MCM3: variants seen among roughly 807,000 people sequenced by gnomAD.
The protein encoded by MCM3 is DNA replication licensing factor MCM3.
In MCM3, 59 loss-of-function variants were observed where a neutral mutation model predicts 91.3. The ratio of observed to expected loss-of-function variants is 0.65; its 90% CI spans 0.52 to 0.80. The LOEUF is 0.80. MCM3 is among the 30% of genes least tolerant of loss of function. The probability of loss-of-function intolerance (pLI) is 0.00; values close to 1 mark genes in which losing one functional copy is unlikely to be tolerated. For missense variants in MCM3, 919 were observed against 1,035.4 expected (o/e 0.89, Z 1.54); for synonymous variants, 383 against 379.6 (o/e 1.01, Z -0.10).
intron 14 of MCM3, among the ~76,000 whole-genome samples, chr6:52,267,522 TTAC>T (rs1227305233): frequency 3.3e-5 from 5 of 150,498 alleles, no homozygotes; most frequent in South Asian, 2.1e-4. Flanking sequence ...CCACTGGAAC[TTAC>T]TACTTTTTTT....
intron 12 of MCM3, 61 bp downstream of exon 12, chr6:52,272,240 G>C (rs376628180): frequency 2.0e-6 from 3 of 1,523,528 alleles, no homozygotes; most frequent in African/African-American, 2.8e-5. Context: ...CCAGATAGCA[G>C]GGACTCCTGC....
chr6:52,283,454 A>G, intron 1 of MCM3, 48 bp from the exon 2 acceptor site: 4 of 1,322,808 alleles, frequency 3.0e-6, no homozygotes, highest in South Asian at 2.4e-5. Context: ...TTTAAAAACA[A>G]TGTTTCTAAA....
chr6:52,280,670 AC>A (rs754033350), intron 4 of MCM3, among the ~76,000 whole-genome samples: 13 of 152,258 alleles, frequency 8.5e-5, no homozygotes, highest in Non-Finnish European at 1.5e-4. Context: ...ACAGTAATCA[AC>A]AGAAGAGTAC....
Position 52,269,212 on chromosome 6 carries a change from T to A in MCM3, c.1842A>T (p.Thr614=), listed in dbSNP as rs372333070. The A allele has an allele frequency of 6.6e-5, 107 of 1,611,122 alleles. No individual in the cohort carries two copies. The highest frequency in any genetic ancestry group is 1.8e-4 in the South Asian group (16 of 90,858). Residue 614 remains threonine (T), a synonymous_variant, in exon 13 of 17, where the codon ACA becomes ACT. Coordinates refer to ENST00000596288, the MANE Select transcript of MCM3 (RefSeq NM_002388.6). Reference sequence around the variant, plus strand: ...GAATCAGAGTTTCCAGTGTTCGGGCTGTAACTGGAGATGTCTAGGGAAGAA... The same window carrying A: ...GAATCAGAGTTTCCAGTGTTCGGGCAGTAACTGGAGATGTCTAGGGAAGAA... The part of the protein sequence containing the change: ...SSDTARTSPV[T]ARTLETLIRL...
At chr6:52,269,011 A>G in intron 13 of MCM3, 75 bp downstream of exon 13, 2 of 1,486,808 alleles carry the variant, frequency 1.3e-6, no homozygotes, top group Non-Finnish European at 1.8e-6. Flanking sequence ...GCCGTCAGCC[A>G]CGGAAGGCTG....
chr6:52,273,508 T>C, intron 10 of MCM3, 152 bp from the exon 11 acceptor site: 1 of 844,348 alleles, frequency 1.2e-6, no homozygotes, highest in Non-Finnish European at 1.8e-6. Context: ...ATAAAGATAG[T>C]GGAACTGCCT....
rs750632023 is a variant in MCM3 at position 52,264,802 on chromosome 6, G to C, written c.2229-16C>G. On this transcript the variant is annotated splice_polypyrimidine_tract_variant and intron_variant, in intron 16 of 16. Transcript: ENST00000596288. ...TGCCTTCAACCTGCCCCAGACAGAAGAAAGGGGGAAGAGGAGTAAACAAAC... is the reference window on the plus strand; with the variant it reads ...TGCCTTCAACCTGCCCCAGACAGAACAAAGGGGGAAGAGGAGTAAACAAAC... 1.6e-5 allele frequency: 26 copies of C among 1,610,714 alleles called. No homozygotes were observed. The highest frequency in any genetic ancestry group is 2.1e-5 in the Non-Finnish European group (25 of 1,179,240).
In MCM3 at chr6:52,279,619, G is replaced by C. The variant is rs1441802709; in HGVS notation, c.532-20C>G. 2 of 1,564,574 alleles carry C rather than the reference G, an allele frequency of 1.3e-6. No homozygotes were observed. The highest frequency in any genetic ancestry group is 1.8e-6 in the Non-Finnish European group (2 of 1,138,882). ...CTCATCCTAGAAAAAGGCACACAGA[G>C]GGACAGAGTGATCTCCGTCCTGTCT... On this transcript the variant is annotated intron_variant, in intron 4 of 16. Coordinates refer to ENST00000596288, the MANE Select transcript of MCM3 (RefSeq NM_002388.6).
chr6:52,269,729 G>A (rs567695358), intron 12 of MCM3, among the ~76,000 whole-genome samples: 4 of 152,340 alleles, frequency 2.6e-5, no homozygotes, highest in African/African-American at 9.6e-5. Flanking sequence ...ACTCAGTCCG[G>A]AGAAGGAGAA....
At chr6:52,282,536 T>C in intron 3 of MCM3, 117 bp downstream of exon 3, 1 of 881,828 alleles carries the variant, frequency 1.1e-6, no homozygotes, top group South Asian at 1.6e-5. Context: ...TTTTACCACG[T>C]AATTCCAATG....
rs186861403 is a variant in MCM3 at position 52,278,477 on chromosome 6, G to A, written c.879+265C>T. On this transcript the variant is annotated intron_variant, in intron 6 of 16. Coordinates refer to ENST00000596288, the MANE Select transcript of MCM3 (RefSeq NM_002388.6). Reference sequence around the variant, plus strand: ...GTAATAAATAGACTTACTGGTACACGGGCAAGTTAACACCTATCCTAATAT... The same window carrying A: ...GTAATAAATAGACTTACTGGTACACAGGCAAGTTAACACCTATCCTAATAT... Among the ~76,000 whole-genome samples the A allele has an allele frequency of 4.6e-5, 7 of 152,248 alleles. No individual in the cohort carries two copies. The South Asian group carries it at 1.0e-3, about 23-fold the overall frequency.
chr6:52,276,976 A>G (rs1765625677), intron 8 of MCM3, 91 bp downstream of exon 8: 1 of 1,475,324 alleles, frequency 6.8e-7, no homozygotes, highest in Non-Finnish European at 9.1e-7. Flanking sequence ...CTAACCTATC[A>G]GCTGTATCTT....
intron 12 of MCM3, among the ~76,000 whole-genome samples, chr6:52,269,868 T>C (rs1205021467): frequency 6.6e-6 from 1 of 152,228 alleles, no homozygotes; most frequent in African/African-American, 2.4e-5. Context: ...GAATTGGAAA[T>C]GAATGAATCA....
Position 52,264,790 on chromosome 6 carries a change from C to T in MCM3, c.2229-4G>A, listed in dbSNP as rs764045452. ...GGCCACCTTGAATGCCTTCAACCTGCCCCAGACAGAAGAAAGGGGGAAGAG... is the reference window on the plus strand; with the variant it reads ...GGCCACCTTGAATGCCTTCAACCTGTCCCAGACAGAAGAAAGGGGGAAGAG... On this transcript the variant is annotated splice_region_variant and splice_polypyrimidine_tract_variant and intron_variant, in intron 16 of 16. Transcript: ENST00000596288. 6.2e-7 allele frequency: 1 copy of T among 1,613,368 alleles called. No individual in the cohort carries two copies. Among genetic ancestry groups the T allele is most frequent in the Non-Finnish European group, 8.5e-7 (1 of 1,179,818 alleles).
intron 14 of MCM3, among the ~76,000 whole-genome samples, chr6:52,266,953 GT>G (rs2128274657): frequency 6.6e-6 from 1 of 152,146 alleles, no homozygotes; most frequent in African/African-American, 2.4e-5. Context: ...AAGCATGAAG[GT>G]TTTTCCCTTA....
intron 4 of MCM3, among the ~76,000 whole-genome samples, chr6:52,280,797 T>C (rs1183003715): frequency 6.6e-6 from 1 of 152,250 alleles, no homozygotes. Context: ...ACACAGGTCC[T>C]AGTCCTTAAG....
chr6:52,268,916 G>A (rs1435140914), intron 13 of MCM3, among the ~76,000 whole-genome samples, 170 bp downstream of exon 13: 1 of 152,240 alleles, frequency 6.6e-6, no homozygotes, highest in African/African-American at 2.4e-5. Context: ...TCAGGGTTGA[G>A]AATCACTGAG....
In MCM3 at chr6:52,278,746, G is replaced by T; in HGVS notation, c.875C>A (p.Ser292Tyr). 1.2e-6 allele frequency: 2 copies of T among 1,610,200 alleles called. No individual in the cohort carries two copies. Among genetic ancestry groups the T allele is most frequent in the Non-Finnish European group, 1.7e-6 (2 of 1,177,166 alleles). The change falls in exon 6 of 17, where the codon TCC (serine) becomes TAC (tyrosine). Residue 292 changes from serine to tyrosine, a missense_variant. Ser to Tyr is a moderately radical substitution (Grantham distance 144). This residue lies in a region of MCM3 where 401 missense variants were observed against 402.7 expected (regional missense o/e 1.00). Coordinates refer to ENST00000596288, the MANE Select transcript of MCM3 (RefSeq NM_002388.6). ...AKIKKFSKTR[S>Y]KDIFDQLAKS... is the part of the protein sequence containing the mutation. ...ATTTCTAAAGGATGCCCAGACCTTG[G>T]ATCGGGTTTTACTGAACTTCTTGAT... is the stretch of plus-strand genomic sequence containing the variant.
At chr6:52,271,009 G>A (rs773129830) in intron 12 of MCM3, among the ~76,000 whole-genome samples, 11 of 151,766 alleles carry the variant, frequency 7.2e-5, no homozygotes, top group Non-Finnish European at 1.6e-4. Context: ...TCAGGAGATT[G>A]AGACCAGCCT....
Sources: gnomAD v4.1 joint callset for allele counts (sites outside exome capture counted in the v4.1 genomes callset) on GRCh38, gnomAD v4.1.1 for gene constraint, gnomAD v4.1.1 regional missense constraint, MANE v1.5 for transcripts, NCBI Gene and HGNC (gene_info 2026-07-23, HGNC 2026-07-21) for gene names.